GLI3: variants seen among roughly 807,000 people sequenced by gnomAD.
GLI3 encodes GLI family zinc finger 3.
Under a neutral mutation model 100.8 loss-of-function variants are expected in GLI3, and 20 were observed. That is an observed-to-expected ratio of 0.20 (90% CI 0.14 to 0.29). The LOEUF is 0.29. Among genes scored for constraint, GLI3 ranks in the 10% least tolerant of loss-of-function variants. GLI3 has a pLI of 1.00. For synonymous variants in GLI3, 938 were observed against 860.5 expected, an observed-to-expected ratio of 1.09 and a Z score of -1.58; for missense variants, 2,040 against 2,128.5, an observed-to-expected ratio of 0.96 and a Z score of 0.82.
intron 10 of GLI3, among the ~76,000 whole-genome samples, chr7:42,010,271 G>T (rs1788574838): frequency 6.6e-6 from 1 of 152,206 alleles, no homozygotes; most frequent in African/African-American, 2.4e-5. Flanking sequence ...CCTCATCTCT[G>T]CCTCTCTCCA....
intron 3 of GLI3, among the ~76,000 whole-genome samples, chr7:42,115,671 A>C (rs1306751537): frequency 1.3e-5 from 2 of 152,154 alleles, no homozygotes; most frequent in African/African-American, 4.8e-5. Context: ...CCAAACTTGC[A>C]CACAGCAGGG....
At chr7:42,052,874 A>G (rs921322170) in intron 4 of GLI3, among the ~76,000 whole-genome samples, 3 of 152,212 alleles carry the variant, frequency 2.0e-5, no homozygotes, top group African/African-American at 7.2e-5. Flanking sequence ...CCAAACTTCA[A>G]CTACCATAGC....
intron 2 of GLI3, among the ~76,000 whole-genome samples, chr7:42,212,551 A>C (rs1290440741): frequency 6.6e-6 from 1 of 152,252 alleles, no homozygotes; most frequent in Non-Finnish European, 1.5e-5. Context: ...AGCTTAAAAA[A>C]CAGTCATAGA....
At chr7:41,984,725 A>G (rs1276835435) in intron 10 of GLI3, among the ~76,000 whole-genome samples, 2 of 152,230 alleles carry the variant, frequency 1.3e-5, no homozygotes, top group Admixed American at 1.3e-4. Context: ...CTCAACCCTC[A>G]CCAGTTTCCA....
At chr7:41,973,913 C>T (rs1055721596) in intron 12 of GLI3, among the ~76,000 whole-genome samples, 37 of 152,106 alleles carry the variant, frequency 2.4e-4, no homozygotes, top group African/African-American at 8.7e-4. Flanking sequence ...GTGTGATTTG[C>T]AGCATATATA....
intron 1 of GLI3, among the ~76,000 whole-genome samples, chr7:42,260,285 T>G (rs1789125302): frequency 1.3e-5 from 2 of 152,234 alleles, no homozygotes. Flanking sequence ...TTCACAGATC[T>G]GTTGGAATTC....
At chr7:42,202,479 A>G (rs1788066748) in intron 2 of GLI3, among the ~76,000 whole-genome samples, 1 of 152,114 alleles carries the variant, frequency 6.6e-6, no homozygotes, top group African/African-American at 2.4e-5. Flanking sequence ...CACTAAAACT[A>G]GTGATTAATA....
chr7:41,996,092 C>T (rs1222607218), intron 10 of GLI3, among the ~76,000 whole-genome samples: 3 of 152,176 alleles, frequency 2.0e-5, no homozygotes, highest in Admixed American at 6.5e-5. Flanking sequence ...GTTAACACTT[C>T]ATACAGTGGA....
intron 2 of GLI3, among the ~76,000 whole-genome samples, chr7:42,180,421 G>A (rs546230301): frequency 6.6e-6 from 1 of 152,356 alleles, no homozygotes; most frequent in South Asian, 2.1e-4. Context: ...ACACAGAGGA[G>A]CCAGGGGAAG....
intron 3 of GLI3, chr7:42,113,625 G>A: frequency 1.0e-6 from 1 of 959,680 alleles, no homozygotes; most frequent in Non-Finnish European, 1.7e-6. Flanking sequence ...GCCAAGTGAA[G>A]TGTCTGCATT....
intron 1 of GLI3, among the ~76,000 whole-genome samples, chr7:42,253,318 C>T (rs1053506241): frequency 3.3e-5 from 5 of 152,334 alleles, no homozygotes; most frequent in Middle Eastern, 3.4e-3. Flanking sequence ...GGCTGCTGCT[C>T]GGGGAGACAT....
At chr7:42,199,888 T>C (rs1293362540) in intron 2 of GLI3, among the ~76,000 whole-genome samples, 1 of 152,070 alleles carries the variant, frequency 6.6e-6, no homozygotes, top group Non-Finnish European at 1.5e-5. Context: ...AAACCCCGTC[T>C]CTACTAAAAA....
chr7:42,048,556 C>A lies in GLI3; in HGVS notation c.614G>T (p.Arg205Leu). 1 of 1,612,642 alleles carries A rather than the reference C, an allele frequency of 6.2e-7. No individual in the cohort carries two copies. The highest frequency in any genetic ancestry group is 8.5e-7 in the Non-Finnish European group (1 of 1,179,556). ...GAGCGATGGGCTGCTGTGCAAGGAG[C>A]GGATATAGTCCATGTAGGGATTAAT... The part of the protein sequence containing the change: ...PYINPYMDYI[R>L]SLHSSPSLSM... Residue 205 changes from arginine to leucine, a missense_variant, in exon 5 of 15, where the codon CGC (arginine) becomes CTC (leucine). Coordinates refer to ENST00000395925, the MANE Select transcript of GLI3 (RefSeq NM_000168.6).
At chr7:42,202,918 C>T (rs1453600429) in intron 2 of GLI3, among the ~76,000 whole-genome samples, 2 of 152,196 alleles carry the variant, frequency 1.3e-5, no homozygotes, top group Non-Finnish European at 2.9e-5. Context: ...AAAATATTCA[C>T]CATTCCTAAA....
chr7:41,984,252 C>A (rs1936277678), intron 10 of GLI3, among the ~76,000 whole-genome samples: 1 of 152,178 alleles, frequency 6.6e-6, no homozygotes, highest in Non-Finnish European at 1.5e-5. Flanking sequence ...TTTGTTATTT[C>A]ACTATTAGCT....
At chr7:42,043,777 A>T (rs1784189821) in intron 6 of GLI3, among the ~76,000 whole-genome samples, 1 of 152,208 alleles carries the variant, frequency 6.6e-6, no homozygotes, top group African/African-American at 2.4e-5. Flanking sequence ...ACACATTCTC[A>T]TCAAATAGGG....
At chr7:42,021,770 A>G (rs1294086569) in intron 10 of GLI3, among the ~76,000 whole-genome samples, 1 of 152,206 alleles carries the variant, frequency 6.6e-6, no homozygotes, top group Admixed American at 6.5e-5. Context: ...TATTTTAAAA[A>G]CCAAGACACC....
intron 3 of GLI3, among the ~76,000 whole-genome samples, chr7:42,081,312 T>C (rs1180712373): frequency 6.6e-6 from 1 of 152,204 alleles, no homozygotes; most frequent in Non-Finnish European, 1.5e-5. Context: ...GTTGCAAAGA[T>C]GATTTATTAC....
Position 42,058,797 on chromosome 7 carries a change from A to T in GLI3, c.474-10101T>A, listed in dbSNP as rs1439766810. Among the ~76,000 whole-genome samples, 3 of 152,250 alleles carry T rather than the reference A, an allele frequency of 2.0e-5. No homozygotes were observed. In the East Asian group the frequency reaches 5.8e-4, roughly 29 times the overall value. ...AAGAGCAGTGCAATTGTTTATAGCT[A>T]AAATTGATTTCATTCCTTCCAGGAA... On this transcript the variant is annotated intron_variant, in intron 4 of 14. Transcript: ENST00000395925.
Sources: gnomAD v4.1 joint callset for allele counts (sites outside exome capture counted in the v4.1 genomes callset) on GRCh38, gnomAD v4.1.1 for gene constraint, MANE v1.5 for transcripts, NCBI Gene and HGNC (gene_info 2026-07-23, HGNC 2026-07-21) for gene names.